The following MCM3 variants were observed in gnomAD, a reference collection of about 807,000 sequenced individuals.
MCM3 encodes DNA replication licensing factor MCM3.
MCM3 carries 59 observed loss-of-function variants against 91.3 expected under a neutral mutation model. The observed-to-expected ratio is 0.65, with a 90% CI of 0.52 to 0.80. The LOEUF is 0.80. Ranked by LOEUF, MCM3 falls within the 30% of genes least tolerant of loss-of-function variation. MCM3 has a pLI of 0.00. For missense variants in MCM3, 919 were observed against 1,035.4 expected (o/e 0.89, Z 1.54); for synonymous variants, 383 against 379.6 (o/e 1.01, Z -0.10).
rs751328965 is a variant in MCM3, at chr6:52,264,586, C to T, written c.*2G>A. The stretch of plus-strand genomic sequence containing the variant: ...CAACCCAAGTTCAGAGACGAGGCCT[C>T]CTCAGATGAGGAAGATGATGCCCTC... On this transcript the variant is annotated 3_prime_UTR_variant, in exon 17 of 17. Coordinates refer to ENST00000596288, the MANE Select transcript of MCM3 (RefSeq NM_002388.6). 5.6e-5 allele frequency: 90 copies of T among 1,614,020 alleles called. No individual in the cohort carries two copies. Among genetic ancestry groups the T allele is most frequent in the Non-Finnish European group, 7.3e-5 (86 of 1,180,026 alleles).
intron 9 of MCM3, 124 bp from the exon 10 acceptor site, chr6:52,274,040 C>A: frequency 4.3e-6 from 3 of 697,842 alleles, no homozygotes; most frequent in South Asian, 2.0e-5. Context: ...AGACAAAAAG[C>A]AGTGAAAAAG....
intron 12 of MCM3, among the ~76,000 whole-genome samples, chr6:52,271,002 GGAGATT>G (rs1222375767): frequency 1.3e-5 from 2 of 152,016 alleles, no homozygotes; most frequent in East Asian, 3.9e-4. Context: ...CACGAGGTCA[GGAGATT>G]GAGACCAGCC....
At chr6:52,280,973 G>A (rs541137954) in intron 4 of MCM3, among the ~76,000 whole-genome samples, 3 of 152,292 alleles carry the variant, frequency 2.0e-5, no homozygotes, top group Non-Finnish European at 2.9e-5. Context: ...GACTAATGAC[G>A]AGGACTGGGT....
chr6:52,281,921 G>T, intron 4 of MCM3, 124 bp downstream of exon 4: 1 of 910,228 alleles, frequency 1.1e-6, no homozygotes, highest in Non-Finnish European at 1.6e-6. Flanking sequence ...TCTTTCCTTT[G>T]GATTAATCCT....
At chr6:52,265,086 TG>T in intron 16 of MCM3, 1 of 404,256 alleles carries the variant, frequency 2.5e-6, no homozygotes, top group East Asian at 5.3e-5. Flanking sequence ...GTATATCCTT[TG>T]GCCCAGGGAG....
At chr6:52,283,555 C>T (rs1562402411) in intron 1 of MCM3, 149 bp from the exon 2 acceptor site, 1 of 652,086 alleles carries the variant, frequency 1.5e-6, no homozygotes, top group Non-Finnish European at 2.8e-6. Flanking sequence ...TTCTCCCTTT[C>T]ATTCACTGTT....
Position 52,264,719 on chromosome 6 carries a change from T to C in MCM3, c.2296A>G (p.Asn766Asp). ...CGGTTGATGGATTCTGTGAGGCGATTCATGCCGATTGACTGCGCATGAGCT... is the reference window on the plus strand; with the variant it reads ...CGGTTGATGGATTCTGTGAGGCGATCCATGCCGATTGACTGCGCATGAGCT... ...REAHAQSIGMNRLTESINRDS... is the reference protein window; with the variant it reads ...REAHAQSIGMDRLTESINRDS... Residue 766 changes from asparagine to aspartate, a missense_variant, in exon 17 of 17, where the codon AAT becomes GAT. Coordinates refer to ENST00000596288, the MANE Select transcript of MCM3 (RefSeq NM_002388.6). The C allele has an allele frequency of 6.2e-7, 1 of 1,614,204 alleles. No individual in the cohort carries two copies. The highest frequency in any genetic ancestry group is 8.5e-7 in the Non-Finnish European group (1 of 1,180,046).
Position 52,266,714 on chromosome 6 carries a change from G to A in MCM3, c.2073-18C>T. The A allele has an allele frequency of 2.5e-6, 4 of 1,600,156 alleles. No homozygotes were observed. Among genetic ancestry groups the A allele is most frequent in the Non-Finnish European group, 3.4e-6 (4 of 1,167,288 alleles). On this transcript the variant is annotated intron_variant, in intron 14 of 16. Coordinates refer to ENST00000596288, the MANE Select transcript of MCM3 (RefSeq NM_002388.6). ...TCTTCCTTCTAAAATACCCACAGCA[G>A]TTAAGAGAGAGAAAGAGTTTGGAGA...
intron 2 of MCM3, among the ~76,000 whole-genome samples, 185 bp from the exon 3 acceptor site, chr6:52,283,046 T>C (rs1766268385): frequency 6.6e-6 from 1 of 150,738 alleles, no homozygotes; most frequent in Non-Finnish European, 1.5e-5. Context: ...AGGACCAACT[T>C]CACCTCAACT....
intron 2 of MCM3, 72 bp downstream of exon 2, chr6:52,283,222 G>A: frequency 8.2e-7 from 1 of 1,217,396 alleles, no homozygotes; most frequent in Non-Finnish European, 1.2e-6. Flanking sequence ...TCTCCTGAGA[G>A]GCTGTTCCAA....
intron 12 of MCM3, among the ~76,000 whole-genome samples, chr6:52,270,113 C>CA (rs955205010): frequency 5.9e-5 from 9 of 152,108 alleles, no homozygotes; most frequent in African/African-American, 1.9e-4. Flanking sequence ...ATCACAAGGT[C>CA]AGGAGCTTGA....
At chr6:52,272,606 C>T (rs1307005842) in intron 11 of MCM3, among the ~76,000 whole-genome samples, 155 bp from the exon 12 acceptor site, 2 of 152,150 alleles carry the variant, frequency 1.3e-5, no homozygotes, top group Non-Finnish European at 2.9e-5. Flanking sequence ...GACTCTTTCA[C>T]ATATTTTTAT....
At chr6:52,267,189 C>T (rs1764709844) in intron 14 of MCM3, among the ~76,000 whole-genome samples, 1 of 149,110 alleles carries the variant, frequency 6.7e-6, no homozygotes, top group African/African-American at 2.5e-5. Context: ...AGCTCTGCCT[C>T]CTGGGTTCAC....
intron 4 of MCM3, among the ~76,000 whole-genome samples, chr6:52,281,373 T>TA (rs1013036839): frequency 6.6e-6 from 1 of 152,108 alleles, no homozygotes; most frequent in Non-Finnish European, 1.5e-5. Flanking sequence ...AGTGTTTTCT[T>TA]AAAAAAATAA....
chr6:52,282,122 T>C lies in MCM3; in HGVS notation c.454A>G (p.Lys152Glu). ...VRSVHYCPAT[K>E]KTIERRYSDL... ...GAATAACGTCGCTCTATGGTCTTCTTAGTAGCAGGACAGTAGTGGACACTG... is the reference window on the plus strand; with the variant it reads ...GAATAACGTCGCTCTATGGTCTTCTCAGTAGCAGGACAGTAGTGGACACTG... Residue 152 changes from lysine to glutamate, a missense_variant, in exon 4 of 17, where the codon AAG becomes GAG. Around this residue, in one of 3 missense-constraint regions of MCM3, gnomAD observed 401 missense variants for 402.7 expected, o/e 1.00. Coordinates refer to ENST00000596288, the MANE Select transcript of MCM3 (RefSeq NM_002388.6). 3 of 1,613,964 alleles carry C rather than the reference T, an allele frequency of 1.9e-6. No homozygotes were observed. Among genetic ancestry groups the C allele is most frequent in the Non-Finnish European group, 2.5e-6 (3 of 1,179,888 alleles).
intron 3 of MCM3, among the ~76,000 whole-genome samples, 186 bp downstream of exon 3, chr6:52,282,467 T>C (rs551223705): frequency 6.6e-6 from 1 of 152,304 alleles, no homozygotes; most frequent in Non-Finnish European, 1.5e-5. Context: ...TTCATCATTC[T>C]ACTAATACAT....
intron 1 of MCM3, 42 bp downstream of exon 1, chr6:52,284,555 G>A (rs1260888311): frequency 2.6e-6 from 4 of 1,554,282 alleles, no homozygotes; most frequent in Non-Finnish European, 1.7e-6. Context: ...GCGTCCGCAG[G>A]GGCTCCGAGC....
rs192390439 is a variant in MCM3, at chr6:52,272,421, C to T, written c.1707G>A (p.Lys569=). The change falls in exon 12 of 17, where the codon AAG becomes AAA. Residue 569 remains lysine, a synonymous_variant. Coordinates refer to ENST00000596288, the MANE Select transcript of MCM3 (RefSeq NM_002388.6). ...TGATTTTGGCCACATGGATGTACTT[C>T]TTCATGAATGCTGCACTCACCATCT... ...KEKMVSAAFM[K]KYIHVAKIIK... The T allele has an allele frequency of 6.2e-7, 1 of 1,614,172 alleles. No homozygotes were observed. Among genetic ancestry groups the T allele is most frequent in the East Asian group, 2.2e-5 (1 of 44,888 alleles).
chr6:52,266,774 A>G (rs1177230268), intron 14 of MCM3, 78 bp from the exon 15 acceptor site: 2 of 1,069,018 alleles, frequency 1.9e-6, no homozygotes, highest in Non-Finnish European at 2.9e-6. Context: ...CGTGCCTCTA[A>G]CTACGGAGAA....
Sources: gnomAD v4.1 joint callset for allele counts (sites outside exome capture counted in the v4.1 genomes callset) on GRCh38, gnomAD v4.1.1 for gene constraint, gnomAD v4.1.1 regional missense constraint, MANE v1.5 for transcripts, NCBI Gene and HGNC (gene_info 2026-07-23, HGNC 2026-07-21) for gene names.